EXD3: variants seen among roughly 807,000 people sequenced by gnomAD.
The protein encoded by EXD3 is exonuclease 3'-5' domain containing 3, also known as exonuclease mut-7 homolog.
Under a neutral mutation model 98.0 loss-of-function variants are expected in EXD3, and 92 were observed. That is an observed-to-expected ratio of 0.94 (90% CI 0.79 to 1.12). The LOEUF is 1.12. Among genes scored for constraint, EXD3 ranks in the 50% most tolerant of loss-of-function variants. The pLI, the probability that EXD3 is intolerant of heterozygous loss-of-function variation, is 0.00. For missense variants in EXD3, 1,222 were observed against 1,191.6 expected, an observed-to-expected ratio of 1.03 and a Z score of -0.38; for synonymous variants, 569 against 526.0, an observed-to-expected ratio of 1.08 and a Z score of -1.12.
At chr9:137,326,816 G>A (rs1832428423) in intron 17 of EXD3, among the ~76,000 whole-genome samples, 1 of 152,098 alleles carries the variant, frequency 6.6e-6, no homozygotes, top group Non-Finnish European at 1.5e-5. Context: ...TAAACACAGA[G>A]TCAGTAGAGG....
At chr9:137,344,144 G>C (rs1381411771) in intron 17 of EXD3, among the ~76,000 whole-genome samples, 1 of 151,728 alleles carries the variant, frequency 6.6e-6, no homozygotes, top group Non-Finnish European at 1.5e-5. Flanking sequence ...GCCCACCTCG[G>C]CCTCTGAAAG....
chr9:137,309,951 ACT>A (rs1036970819), intron 19 of EXD3, among the ~76,000 whole-genome samples: 7 of 151,562 alleles, frequency 4.6e-5, no homozygotes, highest in African/African-American at 1.5e-4. Context: ...AACTTGTGGG[ACT>A]CTCTGCCCAG....
rs1837142978 is a variant in EXD3 at position 137,395,125 on chromosome 9, G to A, written c.55+178C>T. Among the ~76,000 whole-genome samples, 1 of 152,076 alleles carries A rather than the reference G, an allele frequency of 6.6e-6. No individual in the cohort carries two copies. Among genetic ancestry groups the A allele is most frequent in the Admixed American group, 6.5e-5 (1 of 15,276 alleles). On this transcript the variant is annotated intron_variant, in intron 2 of 21. Transcript: ENST00000340951. This position sits in a 1 kb window ranked among gnomAD's most constrained non-coding sequence, Gnocchi z 6.5. ...CCCCCGAGGACAACAAGGCCACAGTGGGGCCTCCGGACTCACAAGGTCCCA... is the reference window on the plus strand; with the variant it reads ...CCCCCGAGGACAACAAGGCCACAGTAGGGCCTCCGGACTCACAAGGTCCCA...
At chr9:137,374,410 C>T (rs769113652) in intron 3 of EXD3, 24 of 327,140 alleles carry the variant, frequency 7.3e-5, no homozygotes, top group East Asian at 1.7e-4. Context: ...GGCTGCAAGC[C>T]GAGAGCGTGG....
At chr9:137,357,544 C>A (rs1189964681) in intron 7 of EXD3, among the ~76,000 whole-genome samples, 1 of 151,930 alleles carries the variant, frequency 6.6e-6, no homozygotes, top group Non-Finnish European at 1.5e-5. Flanking sequence ...AAGTTCTGTC[C>A]TACAGTCTGA....
chr9:137,362,798 C>G (rs1280057579), intron 7 of EXD3, among the ~76,000 whole-genome samples: 2 of 152,050 alleles, frequency 1.3e-5, no homozygotes, highest in Non-Finnish European at 2.9e-5. Context: ...TCTTCTCAGT[C>G]TTTGTTGTTG....
At chr9:137,351,590 C>G in intron 12 of EXD3, 62 bp from the exon 13 acceptor site, 1 of 1,475,228 alleles carries the variant, frequency 6.8e-7, no homozygotes, top group Non-Finnish European at 9.2e-7. Context: ...GGGACCACAG[C>G]CTGGAGGTCC....
intron 17 of EXD3, among the ~76,000 whole-genome samples, chr9:137,342,662 C>T (rs1447446836): frequency 2.6e-5 from 4 of 152,142 alleles, no homozygotes; most frequent in Non-Finnish European, 4.4e-5. Context: ...AAACCACCTT[C>T]GTCATTAGGG....
At chr9:137,348,972 C>A in intron 16 of EXD3, 138 bp downstream of exon 16, 2 of 1,062,304 alleles carry the variant, frequency 1.9e-6, no homozygotes, top group Non-Finnish European at 2.6e-6. Context: ...GGACTTTGCT[C>A]CCCTCTCGCT....
At chr9:137,348,366 G>GTTT in intron 16 of EXD3, 128 bp from the exon 17 acceptor site, 1 of 1,120,042 alleles carries the variant, frequency 8.9e-7, no homozygotes, top group South Asian at 1.6e-5. Context: ...ATAAAACTGT[G>GTTT]TGTGCTGTGC....
rs185958521 is a variant in EXD3, at chr9:137,405,484, C to T, written c.-47-10080G>A. ...GGGCGGCCGTCGCAGGCCACTCACC[C>T]GTCCCCAGCCACTCACCCGTCCCCA... On this transcript the variant is annotated intron_variant, in intron 1 of 21. Coordinates refer to ENST00000340951, the MANE Select transcript of EXD3 (RefSeq NM_017820.5). The surrounding 1 kb of genome is among the most constrained non-coding windows in gnomAD (Gnocchi z 4.1). 1.3e-5 allele frequency among the ~76,000 whole-genome samples: 2 copies of T among 152,270 alleles called. No homozygotes were observed. The highest frequency in any genetic ancestry group is 1.9e-4 in the East Asian group (1 of 5,168).
chr9:137,320,236 CCAGA>C (rs1395124953), intron 19 of EXD3, among the ~76,000 whole-genome samples: 1 of 152,212 alleles, frequency 6.6e-6, no homozygotes, highest in African/African-American at 2.4e-5. Flanking sequence ...CGTCCTGCCC[CCAGA>C]CAGAGGGGCT....
At chr9:137,355,584 A>AG (rs1564508622) in intron 8 of EXD3, among the ~76,000 whole-genome samples, 4 of 45,824 alleles carry the variant, frequency 8.7e-5, no homozygotes, top group Admixed American at 8.7e-4. Flanking sequence ...GGAAGGAGGA[A>AG]GGAGAAAGGG....
In EXD3 at chr9:137,403,470, CG is replaced by C. The variant is rs1443754278; in HGVS notation, c.-47-8067del. Among the ~76,000 whole-genome samples, 1 of 151,910 alleles carries C rather than the reference CG, an allele frequency of 6.6e-6. No homozygotes were observed. The highest frequency in any genetic ancestry group is 1.9e-4 in the East Asian group (1 of 5,146). On this transcript the variant is annotated intron_variant, in intron 1 of 21. Transcript: ENST00000340951. This position sits in a 1 kb window ranked among gnomAD's most constrained non-coding sequence, Gnocchi z 6.1. ...ACCCTGGCCCAGGGTCTCCGAGGGTCGGGGGCCGCAGGGTCTGGCAGCACCC... is the reference window on the plus strand; with the variant it reads ...ACCCTGGCCCAGGGTCTCCGAGGGTCGGGGCCGCAGGGTCTGGCAGCACCC...
At chr9:137,370,343 A>G (rs1241760222) in intron 5 of EXD3, among the ~76,000 whole-genome samples, 1 of 152,140 alleles carries the variant, frequency 6.6e-6, no homozygotes, top group East Asian at 1.9e-4. Context: ...CAAAAAGGTC[A>G]CCTGGCCCCA....
rs1254130625 is a variant in EXD3, at chr9:137,385,156, G to C, written c.56-1779C>G. 6.6e-6 allele frequency among the ~76,000 whole-genome samples: 1 copy of C among 152,224 alleles called. No homozygotes were observed. Among genetic ancestry groups the C allele is most frequent in the African/African-American group, 2.4e-5 (1 of 41,474 alleles). On this transcript the variant is annotated intron_variant, in intron 2 of 21. Coordinates refer to ENST00000340951, the MANE Select transcript of EXD3 (RefSeq NM_017820.5). The surrounding 1 kb of genome is among the most constrained non-coding windows in gnomAD (Gnocchi z 4.4). ...CAGGCTCCACCATGGCGTCTCTGCA[G>C]CCACCTGGGCCTGGGTGGCACAGGC...
chr9:137,394,960 G>A (rs114895689), intron 2 of EXD3, among the ~76,000 whole-genome samples: 3,807 of 152,094 alleles, frequency 0.025, 139 homozygotes, highest in African/African-American at 0.077. Context: ...CTGGCTCCCC[G>A]AGGGACAGAG....
At chr9:137,323,979 C>T (rs932404840) in intron 18 of EXD3, 111 bp downstream of exon 18, 68 of 1,525,680 alleles carry the variant, frequency 4.5e-5, no homozygotes, top group South Asian at 3.3e-4. Flanking sequence ...ACGGCAGAGG[C>T]GCTGGGGGTC....
At chr9:137,337,722 A>C (rs1198835240) in intron 17 of EXD3, among the ~76,000 whole-genome samples, 1 of 151,488 alleles carries the variant, frequency 6.6e-6, no homozygotes. Context: ...GTTGGGGGGT[A>C]GGTGGAGTGG....
Sources: gnomAD v4.1 joint callset for allele counts (sites outside exome capture counted in the v4.1 genomes callset) on GRCh38, gnomAD v4.1.1 for gene constraint, Gnocchi (gnomAD v3.1) non-coding constraint, MANE v1.5 for transcripts, NCBI Gene and HGNC (gene_info 2026-07-23, HGNC 2026-07-21) for gene names.